The following ADAMTS2 variants were observed in gnomAD, a reference collection of about 807,000 sequenced individuals.
ADAMTS2 encodes the protein A disintegrin and metalloproteinase with thrombospondin motifs 2.
A neutral mutation model predicts 123.0 loss-of-function variants in ADAMTS2; 50 were observed. The observed-to-expected ratio is 0.41, with a 90% CI of 0.32 to 0.51. The LOEUF is 0.51. ADAMTS2 is among the 20% of genes least tolerant of loss of function. ADAMTS2 has a pLI of 0.35. For synonymous variants in ADAMTS2, 678 were observed against 695.4 expected, an observed-to-expected ratio of 0.98 and a Z score of 0.39; for missense variants, 1,494 against 1,705.2, an observed-to-expected ratio of 0.88 and a Z score of 2.18.
chr5:179,309,934 G>A (rs1423559599), intron 2 of ADAMTS2, among the ~76,000 whole-genome samples: 2 of 152,182 alleles, frequency 1.3e-5, no homozygotes, highest in African/African-American at 4.8e-5. Context: ...GGCCCCCACT[G>A]CATGTCCCTC....
At chr5:179,255,194 G>C (rs1425964221) in intron 3 of ADAMTS2, among the ~76,000 whole-genome samples, 2 of 152,172 alleles carry the variant, frequency 1.3e-5, no homozygotes, top group African/African-American at 4.8e-5. Flanking sequence ...TGATTGGATA[G>C]ATGAATGGAT....
intron 2 of ADAMTS2, among the ~76,000 whole-genome samples, chr5:179,288,064 AG>A (rs1391163759): frequency 6.6e-6 from 1 of 152,212 alleles, no homozygotes; most frequent in Non-Finnish European, 1.5e-5. Context: ...TGCCCAGATC[AG>A]GCAGTTTTCC....
intron 2 of ADAMTS2, among the ~76,000 whole-genome samples, chr5:179,277,143 A>C (rs572329385): frequency 6.6e-6 from 1 of 152,264 alleles, no homozygotes; most frequent in South Asian, 2.1e-4. Flanking sequence ...CATCTGAAGC[A>C]GGGCCTGGGC....
In ADAMTS2 at chr5:179,181,008, C is replaced by T. The variant is rs945737640; in HGVS notation, c.975+64G>A. ...ACACACTCTCCAAGGAGGCCCATGC[C>T]TCACTCCCAGGCCCCTCACTCCGAG... On this transcript the variant is annotated intron_variant, in intron 5 of 21. Transcript: ENST00000251582. This position sits in a 1 kb window ranked among gnomAD's most constrained non-coding sequence, Gnocchi z 4.1. 1.5e-6 allele frequency: 2 copies of T among 1,316,638 alleles called. No homozygotes were observed. Among genetic ancestry groups the T allele is most frequent in the African/African-American group, 2.9e-5 (2 of 68,896 alleles). The allele number at this position is 1,316,638 out of a possible 1,614,324, so 81.6% of individuals were successfully genotyped here.
chr5:179,283,270 T>TTA (rs1286526888), intron 2 of ADAMTS2, among the ~76,000 whole-genome samples: 1 of 151,864 alleles, frequency 6.6e-6, no homozygotes, highest in East Asian at 1.9e-4. Context: ...TAATTTAACT[T>TTA]TAATAAATGG....
intron 2 of ADAMTS2, among the ~76,000 whole-genome samples, chr5:179,319,402 A>G (rs903569051): frequency 6.6e-5 from 10 of 152,060 alleles, no homozygotes; most frequent in African/African-American, 2.4e-4. Flanking sequence ...CATGCAGTGC[A>G]CACATGCATG....
chr5:179,213,315 G>A (rs999391827), intron 3 of ADAMTS2, among the ~76,000 whole-genome samples: 1 of 152,188 alleles, frequency 6.6e-6, no homozygotes, highest in Non-Finnish European at 1.5e-5. Context: ...CTTCCTTCCT[G>A]TGACACTCCA....
Position 179,158,307 on chromosome 5 carries a change from T to C in ADAMTS2, c.1132+416A>G, listed in dbSNP as rs533371375. The stretch of plus-strand genomic sequence containing the variant: ...GAAAACATCTCTTACTCCAAGAACA[T>C]GGAGCCATCCACCTACGTTATCTTC... On this transcript the variant is annotated intron_variant, in intron 6 of 21. Transcript: ENST00000251582. This position sits in a 1 kb window ranked among gnomAD's most constrained non-coding sequence, Gnocchi z 5.0. Among the ~76,000 whole-genome samples the C allele has an allele frequency of 2.0e-4, 31 of 152,320 alleles. 1 individual carries two copies. The South Asian group carries it at 6.0e-3, about 30-fold the overall frequency.
intron 2 of ADAMTS2, among the ~76,000 whole-genome samples, chr5:179,323,803 T>G (rs1187305744): frequency 6.6e-6 from 1 of 152,258 alleles, no homozygotes; most frequent in Admixed American, 6.5e-5. Context: ...GGTCTTATTA[T>G]TTAATGCATC....
At chr5:179,139,285 C>A (rs978494108) in intron 11 of ADAMTS2, among the ~76,000 whole-genome samples, 1 of 151,102 alleles carries the variant, frequency 6.6e-6, no homozygotes. Context: ...AAAGTGGCTG[C>A]GGGCTGAGGA....
chr5:179,271,234 G>T (rs957718567), intron 3 of ADAMTS2, among the ~76,000 whole-genome samples: 2 of 152,152 alleles, frequency 1.3e-5, no homozygotes, highest in Non-Finnish European at 2.9e-5. Flanking sequence ...GCCAGGCTGT[G>T]GGGGAAGGGC....
chr5:179,323,916 T>A (rs1311315223), intron 2 of ADAMTS2, among the ~76,000 whole-genome samples: 2 of 152,226 alleles, frequency 1.3e-5, no homozygotes, highest in Non-Finnish European at 2.9e-5. Flanking sequence ...ATGAGTGGAT[T>A]TAAAAAACTG....
Position 179,136,033 on chromosome 5 carries a change from C to T in ADAMTS2, c.1961G>A (p.Arg654Lys). The T allele has an allele frequency of 6.2e-7, 1 of 1,613,390 alleles. No individual in the cohort carries two copies. Among genetic ancestry groups the T allele is most frequent in the South Asian group, 1.1e-5 (1 of 91,078 alleles). The change falls in exon 13 of 22, where the codon AGA (arginine) becomes AAA (lysine). Residue 654 changes from arginine to lysine, a missense_variant. Transcript: ENST00000251582. ...LPHEHRDAKE[R>K]CHLYCESRET... The stretch of plus-strand genomic sequence containing the variant: ...CCTGGACTCGCAGTACAGGTGGCAT[C>T]TCTCCTTGGCTGGAAGGGAAGCAGC...
At chr5:179,166,574 T>C (rs1453660252) in intron 5 of ADAMTS2, among the ~76,000 whole-genome samples, 1 of 151,138 alleles carries the variant, frequency 6.6e-6, no homozygotes, top group Non-Finnish European at 1.5e-5. Flanking sequence ...GCCAGGAGCT[T>C]AGGGGGCCCG....
Position 179,158,347 on chromosome 5 carries a change from GTTTC to G in ADAMTS2, c.1132+372_1132+375del. Among the ~76,000 whole-genome samples, 1 of 152,212 alleles carries G rather than the reference GTTTC, an allele frequency of 6.6e-6. No individual in the cohort carries two copies. Among genetic ancestry groups the G allele is most frequent in the Non-Finnish European group, 1.5e-5 (1 of 68,012 alleles). On this transcript the variant is annotated intron_variant, in intron 6 of 21. Transcript: ENST00000251582. This position sits in a 1 kb window ranked among gnomAD's most constrained non-coding sequence, Gnocchi z 5.0. ...ACGTTATCTTCTTTCATTATTTTGC[GTTTC>G]TTATTTAGACCTAAAATCCATGTGA... is the stretch of plus-strand genomic sequence containing the variant.
chr5:179,163,168 C>T (rs1419907109), intron 5 of ADAMTS2, among the ~76,000 whole-genome samples: 2 of 151,996 alleles, frequency 1.3e-5, no homozygotes, highest in African/African-American at 4.8e-5. Flanking sequence ...GTGGGGAGTA[C>T]CGGGAGGATG....
chr5:179,161,259 C>G (rs974870006), intron 5 of ADAMTS2, among the ~76,000 whole-genome samples: 3 of 152,090 alleles, frequency 2.0e-5, no homozygotes, highest in Non-Finnish European at 4.4e-5. Context: ...AAAGAATGTC[C>G]CTTCTCACTG....
rs1016025002 is a variant in ADAMTS2, at chr5:179,168,149, C to A, written c.976-9270G>T. Among the ~76,000 whole-genome samples, 3 of 152,286 alleles carry A rather than the reference C, an allele frequency of 2.0e-5. No homozygotes were observed. In the East Asian group the frequency reaches 5.8e-4, roughly 29 times the overall value. ...TAATTCCTGTTGGGTGAGGCGGGCA[C>A]CCTGTTCATGGCAGGATGTTGAGCA... On this transcript the variant is annotated intron_variant, in intron 5 of 21. Transcript: ENST00000251582.
chr5:179,270,141 A>G (rs920491003), intron 3 of ADAMTS2, among the ~76,000 whole-genome samples: 2 of 152,170 alleles, frequency 1.3e-5, no homozygotes, highest in Admixed American at 6.5e-5. Flanking sequence ...GCAATCTGCA[A>G]TCCAGCAACT....
Sources: allele counts gnomAD v4.1 joint callset (sites outside exome capture counted in the v4.1 genomes callset), GRCh38; gene constraint gnomAD v4.1.1; non-coding constraint Gnocchi (gnomAD v3.1); transcripts MANE v1.5; gene names NCBI Gene and HGNC (gene_info 2026-07-23, HGNC 2026-07-21).